GRAMD1A: variants seen among roughly 807,000 people sequenced by gnomAD.
GRAMD1A encodes protein Aster-A.
In GRAMD1A, 50 loss-of-function variants were observed where a neutral mutation model predicts 92.0. The ratio of observed to expected loss-of-function variants is 0.54; its 90% CI spans 0.43 to 0.69. GRAMD1A has a LOEUF of 0.69. Among genes scored for constraint, GRAMD1A ranks in the 30% least tolerant of loss-of-function variants. The pLI is 0.00. For missense variants in GRAMD1A, 819 were observed against 978.9 expected, an observed-to-expected ratio of 0.84 and a Z score of 2.18; for synonymous variants, 405 against 403.6, an observed-to-expected ratio of 1.00 and a Z score of -0.04.
At chr19:35,014,893 G>A (rs1261227066) in intron 10 of GRAMD1A, 1 of 169,190 alleles carries the variant, frequency 5.9e-6, no homozygotes, top group Non-Finnish European at 1.3e-5. Context: ...AAAACTAGGT[G>A]TGGTGGTGCA....
Position 35,014,271 on chromosome 19 carries a change from C to T in GRAMD1A, c.953C>T (p.Pro318Leu), listed in dbSNP as rs371022002. ...ACAGTGACCCCGGTGGCTGAACCCC[C>T]GAGCACAGAGCCCACCCAGCCTGAC... is the stretch of plus-strand genomic sequence containing the variant. ...SQTVTPVAEP[P>L]STEPTQPDGP... Residue 318 changes from proline to leucine, a missense_variant, in exon 10 of 20, where the codon CCG (proline) becomes CTG (leucine). Pro to Leu is a moderately conservative substitution (Grantham distance 98). Coordinates refer to ENST00000317991, the MANE Select transcript of GRAMD1A (RefSeq NM_020895.5). 23 of 1,614,108 alleles carry T rather than the reference C, an allele frequency of 1.4e-5. No individual in the cohort carries two copies. The highest frequency in any genetic ancestry group is 8.0e-5 in the African/African-American group (6 of 75,032).
Position 35,014,062 on chromosome 19 carries a change from G to A in GRAMD1A, c.871-127G>A, listed in dbSNP as rs549604006. 3.4e-4 allele frequency: 298 copies of A among 877,270 alleles called. 6 individuals are homozygous for A. In the South Asian group the frequency reaches 4.3e-3, roughly 13 times the overall value. 54.3% of individuals were successfully genotyped at this position (877,270 alleles called of 1,614,324 possible). ...GCCCCAGGCTGCTCGCAGCTCAGCC[G>A]TGAGCCCTCGGTGCACACACCACCC... On this transcript the variant is annotated intron_variant, in intron 9 of 19. Transcript: ENST00000317991.
chr19:35,016,225 A>C (rs2015620274), intron 11 of GRAMD1A, among the ~76,000 whole-genome samples: 1 of 152,220 alleles, frequency 6.6e-6, no homozygotes, highest in Admixed American at 6.5e-5. Flanking sequence ...ATTGGTTATC[A>C]TGAGAACTAA....
rs1336402634 is a variant in GRAMD1A, at chr19:35,026,169, A to G, written c.*28A>G. The G allele has an allele frequency of 9.7e-6, 11 of 1,139,854 alleles. No individual in the cohort carries two copies. The Admixed American group carries it at 1.3e-4, about 14-fold the overall frequency. 70.6% of individuals were successfully genotyped at this position (1,139,854 alleles called of 1,614,324 possible). Reference sequence around the variant, plus strand: ...ACCCCGGCCACGCAGCTGTTCCCCCACATGGACAGATGGACACACAGAGCC... The same window carrying G: ...ACCCCGGCCACGCAGCTGTTCCCCCGCATGGACAGATGGACACACAGAGCC... On this transcript the variant is annotated 3_prime_UTR_variant, in exon 20 of 20. Transcript: ENST00000317991.
upstream of GRAMD1A, chr19:34,996,310 G>T: frequency 6.7e-7 from 1 of 1,488,016 alleles, no homozygotes; most frequent in Non-Finnish European, 8.9e-7. Context: ...TGGGCAGTGG[G>T]ACAGGAAAGA....
chr19:35,026,282 G>A lies in GRAMD1A; in HGVS notation c.*141G>A. ...CCAACCAGGGGCTGTGCAGACGTGG[G>A]GACCACGGAACCGAGATGCACTTTA... is the stretch of plus-strand genomic sequence containing the variant. On this transcript the variant is annotated 3_prime_UTR_variant, in exon 20 of 20. Transcript: ENST00000317991. 1.6e-6 allele frequency: 1 copy of A among 614,404 alleles called. No homozygotes were observed. The highest frequency in any genetic ancestry group is 1.8e-5 in the South Asian group (1 of 55,674). 38.1% of individuals were successfully genotyped at this position (614,404 alleles called of 1,614,324 possible). A position where few individuals can be genotyped will look rare whatever the true frequency, so the allele number is the denominator to read the frequency against.
chr19:35,017,417 C>T (rs2015720294), intron 11 of GRAMD1A, among the ~76,000 whole-genome samples: 1 of 152,124 alleles, frequency 6.6e-6, no homozygotes, highest in African/African-American at 2.4e-5. Flanking sequence ...GCACCATCTT[C>T]CTGACTGCAG....
chr19:35,004,740 G>A (rs1192019533), intron 1 of GRAMD1A, among the ~76,000 whole-genome samples: 1 of 152,134 alleles, frequency 6.6e-6, no homozygotes, highest in African/African-American at 2.4e-5. Context: ...CATGGGCAGT[G>A]GTGCACTGGG....
chr19:35,009,824 C>A, intron 3 of GRAMD1A, 64 bp from the exon 4 acceptor site: 1 of 972,968 alleles, frequency 1.0e-6, no homozygotes, highest in Non-Finnish European at 1.7e-6. Context: ...GTTCCAGGAG[C>A]TTTGTGGGGC....
At chr19:34,999,181 AGAATG>A (rs138094273), upstream of GRAMD1A, among the ~76,000 whole-genome samples, 1,354 of 152,174 alleles carry the variant, frequency 8.9e-3, 9 homozygotes, top group Non-Finnish European at 0.012. Context: ...AGAAGAGTTT[AGAATG>A]GAGCGATTGA....
At chr19:35,004,144 G>A (rs939433154) in intron 1 of GRAMD1A, among the ~76,000 whole-genome samples, 10 of 152,114 alleles carry the variant, frequency 6.6e-5, no homozygotes, top group African/African-American at 7.2e-5. Flanking sequence ...CTGGAGGATC[G>A]CTTGAGCCCA....
At position 35,013,417 on chromosome 19, in the gene GRAMD1A, G is replaced by T. The variant is rs754669024; in HGVS notation, c.719+49G>T. 8.0e-6 allele frequency: 12 copies of T among 1,500,014 alleles called. No individual in the cohort carries two copies. The highest frequency in any genetic ancestry group is 1.1e-5 in the Non-Finnish European group (12 of 1,086,974). 92.9% of individuals were successfully genotyped at this position (1,500,014 alleles called of 1,614,324 possible). A position where few individuals can be genotyped will look rare whatever the true frequency, so the allele number is the denominator to read the frequency against. ...TGAAGGGTTCGGGGGAGAACAGGAC[G>T]GTCGGCGTGCAGAGTTCCTGGAGTG... On this transcript the variant is annotated intron_variant, in intron 8 of 19. Transcript: ENST00000317991. The surrounding 1 kb of genome is among the most constrained non-coding windows in gnomAD (Gnocchi z 4.9).
chr19:35,002,104 G>A (rs1235337335), intron 1 of GRAMD1A, among the ~76,000 whole-genome samples: 1 of 152,110 alleles, frequency 6.6e-6, no homozygotes, highest in Non-Finnish European at 1.5e-5. Flanking sequence ...GTGGTTTTGT[G>A]TGTGTGTGAA....
Position 35,021,672 on chromosome 19 carries a change from C to G in GRAMD1A, c.1580-19C>G. 6.2e-7 allele frequency: 1 copy of G among 1,613,972 alleles called. No individual in the cohort carries two copies. The highest frequency in any genetic ancestry group is 8.5e-7 in the Non-Finnish European group (1 of 1,179,888). On this transcript the variant is annotated intron_variant, in intron 14 of 19. Transcript: ENST00000317991. The surrounding 1 kb of genome is among the most constrained non-coding windows in gnomAD (Gnocchi z 5.3). ...CCTGGCCAGGTATGGACATCCAGAG[C>G]CCCCTCTCTTTTACGCAGAGCGAGA...
chr19:35,024,928 T>A (rs922230959), intron 19 of GRAMD1A: 1 of 152,106 alleles, frequency 6.6e-6, no homozygotes, highest in Non-Finnish European at 1.5e-5. Flanking sequence ...GCTGGGACTA[T>A]AGGCAGGCAC....
intron 19 of GRAMD1A, 65 bp from the exon 20 acceptor site, chr19:35,025,984 G>A: frequency 2.4e-6 from 2 of 830,600 alleles, no homozygotes; most frequent in Non-Finnish European, 4.2e-6. Context: ...GCAAGGTGGG[G>A]GTGGGCGACA....
At chr19:35,022,372 T>A (rs1453747410) in intron 16 of GRAMD1A, among the ~76,000 whole-genome samples, 1 of 152,158 alleles carries the variant, frequency 6.6e-6, no homozygotes, top group East Asian at 1.9e-4. Flanking sequence ...AGGTCATTTA[T>A]GGACATTATG....
intron 11 of GRAMD1A, among the ~76,000 whole-genome samples, chr19:35,016,664 G>T (rs77340619): frequency 0.29 from 43,556 of 149,396 alleles, 6,536 homozygotes; most frequent in Middle Eastern, 0.42. Flanking sequence ...GCTTTGGGAG[G>T]CCGAGGCAGG....
chr19:35,010,052 G>A (rs371255760), intron 4 of GRAMD1A, 40 bp from the exon 5 acceptor site: 68 of 1,529,958 alleles, frequency 4.4e-5, no homozygotes, highest in African/African-American at 4.2e-4. Flanking sequence ...GCTGAGCCTC[G>A]TGACTTGGGT....
Sources: gnomAD v4.1 joint callset for allele counts (sites outside exome capture counted in the v4.1 genomes callset) on GRCh38, gnomAD v4.1.1 for gene constraint, Gnocchi (gnomAD v3.1) non-coding constraint, MANE v1.5 for transcripts, NCBI Gene and HGNC (gene_info 2026-07-23, HGNC 2026-07-21) for gene names.